The following PRPF38A variants were observed in gnomAD, a reference collection of about 807,000 sequenced individuals.
PRPF38A encodes the protein pre-mRNA-splicing factor 38A.
Under a neutral mutation model 46.8 loss-of-function variants are expected in PRPF38A, and 11 were observed. The ratio of observed to expected loss-of-function variants is 0.24; its 90% CI spans 0.15 to 0.39. The LOEUF is 0.39. Among genes scored for constraint, PRPF38A ranks in the 10% least tolerant of loss-of-function variants. PRPF38A has a pLI of 1.00. For synonymous variants in PRPF38A, 124 were observed against 136.2 expected, an observed-to-expected ratio of 0.91 and a Z score of 0.62; for missense variants, 261 against 407.5, an observed-to-expected ratio of 0.64 and a Z score of 3.10.
rs764313744 is a variant in PRPF38A at position 52,408,412 on chromosome 1, GCTGT to G, written c.291-154_291-151del. ...CTTGAACTCAGGTCTCCATATTTTA[GCTGT>G]CTTTCTTCTGCTGCATTCTACCTCC... On this transcript the variant is annotated intron_variant, in intron 2 of 9. Coordinates refer to ENST00000257181, the MANE Select transcript of PRPF38A (RefSeq NM_032864.4). The G allele has an allele frequency of 3.5e-4, 323 of 928,108 alleles. 1 individual carries two copies. Among genetic ancestry groups the G allele is most frequent in the Middle Eastern group, 8.4e-4 (4 of 4,782 alleles). The allele number at this position is 928,108 out of a possible 1,614,324, so 57.5% of individuals were successfully genotyped here.
chr1:52,412,257 A>G (rs562547667), intron 4 of PRPF38A, among the ~76,000 whole-genome samples: 36 of 152,232 alleles, frequency 2.4e-4, no homozygotes, highest in Non-Finnish European at 2.4e-4. Context: ...ACTGATTGAT[A>G]TTCCCATGAC....
rs571795036 is a variant in PRPF38A at position 52,416,774 on chromosome 1, C to T, written c.*84C>T. On this transcript the variant is annotated 3_prime_UTR_variant, in exon 10 of 10. Transcript: ENST00000257181. ...TGGAAGGATTAAGATCTCCCCCAGG[C>T]AGCTATAAGAATATTTTAGTTTTTT... is the stretch of plus-strand genomic sequence containing the variant. 2 of 1,026,638 alleles carry T rather than the reference C, an allele frequency of 1.9e-6. No individual in the cohort carries two copies. The highest frequency in any genetic ancestry group is 3.1e-6 in the Non-Finnish European group (2 of 652,928). The allele number at this position is 1,026,638 out of a possible 1,614,324, so 63.6% of individuals were successfully genotyped here. A position where few individuals can be genotyped will look rare whatever the true frequency, so the allele number is the denominator to read the frequency against.
intron 6 of PRPF38A, 60 bp from the exon 7 acceptor site, chr1:52,414,561 T>C: frequency 1.3e-6 from 2 of 1,593,894 alleles, no homozygotes; most frequent in Non-Finnish European, 8.6e-7. Context: ...GGGGCCGTTT[T>C]TGCAATCTAC....
In PRPF38A at chr1:52,420,173, A is replaced by G. The variant is rs915674754; in HGVS notation, c.*3483A>G. On this transcript the variant is annotated 3_prime_UTR_variant, in exon 10 of 10. Transcript: ENST00000257181. ...CTTTGCCAAAGTTGTCTTAAAATACAAAGGCTATAGATGTTCTCAAGTTTG... is the reference window on the plus strand; with the variant it reads ...CTTTGCCAAAGTTGTCTTAAAATACGAAGGCTATAGATGTTCTCAAGTTTG... The G allele has an allele frequency of 6.6e-6, 1 of 152,256 alleles. No homozygotes were observed. Among genetic ancestry groups the G allele is most frequent in the Non-Finnish European group, 1.5e-5 (1 of 68,042 alleles). 9.4% of individuals were successfully genotyped at this position (152,256 alleles called of 1,614,324 possible).
rs1647963398 is a variant in PRPF38A, at chr1:52,405,639, G to A, written c.131-41G>A. ...ACTAACTCCACTCCAACTAGGAAGA[G>A]CTTAGCCCTAATATGTTACTGTATT... On this transcript the variant is annotated intron_variant, in intron 1 of 9. Transcript: ENST00000257181. The A allele has an allele frequency of 1.9e-6, 3 of 1,602,516 alleles. No individual in the cohort carries two copies. In the East Asian group the frequency reaches 6.7e-5, roughly 36 times the overall value.
chr1:52,414,566 A>G, intron 6 of PRPF38A, 55 bp from the exon 7 acceptor site: 1 of 1,604,420 alleles, frequency 6.2e-7, no homozygotes, highest in Non-Finnish European at 8.5e-7. Context: ...CGTTTTTGCA[A>G]TCTACCACAT....
At chr1:52,407,583 C>A (rs1253933900) in intron 2 of PRPF38A, among the ~76,000 whole-genome samples, 1 of 152,170 alleles carries the variant, frequency 6.6e-6, no homozygotes, top group Admixed American at 6.5e-5. Context: ...TTTATGTGTA[C>A]TTGTTCTTGT....
intron 5 of PRPF38A, among the ~76,000 whole-genome samples, chr1:52,412,995 G>A (rs1028769296): frequency 4.6e-5 from 7 of 152,010 alleles, no homozygotes; most frequent in African/African-American, 1.2e-4. Context: ...GTGAGACTCC[G>A]TCTCAAAAAA....
chr1:52,413,411 C>CTTT (rs549631051), intron 5 of PRPF38A, among the ~76,000 whole-genome samples: 1 of 146,306 alleles, frequency 6.8e-6, no homozygotes, highest in Non-Finnish European at 1.5e-5. Flanking sequence ...AGGAAGCAAA[C>CTTT]TTTTTTTTTT....
chr1:52,416,536 T>G, intron 9 of PRPF38A, 112 bp from the exon 10 acceptor site: 1 of 718,806 alleles, frequency 1.4e-6, no homozygotes, highest in South Asian at 1.7e-5. Flanking sequence ...CTCGAATTCC[T>G]GACCTCAGGT....
rs1179338870 is a variant in PRPF38A, at chr1:52,419,475, A to AGTT, written c.*2786_*2788dup. On this transcript the variant is annotated 3_prime_UTR_variant, in exon 10 of 10. Coordinates refer to ENST00000257181, the MANE Select transcript of PRPF38A (RefSeq NM_032864.4). ...TGTTTGTTATTCTTCAGTAGACCGAAGTTTAAATAAGCATTATTTAGAAAA... is the reference window on the plus strand; with the variant it reads ...TGTTTGTTATTCTTCAGTAGACCGAAGTTGTTTAAATAAGCATTATTTAGAAAA... 6.6e-6 allele frequency: 1 copy of AGTT among 152,158 alleles called. No individual in the cohort carries two copies. The highest frequency in any genetic ancestry group is 2.4e-5 in the African/African-American group (1 of 41,436). 9.4% of individuals were successfully genotyped at this position (152,158 alleles called of 1,614,324 possible).
intron 4 of PRPF38A, among the ~76,000 whole-genome samples, chr1:52,412,184 T>G (rs1188205733): frequency 6.6e-6 from 1 of 152,212 alleles, no homozygotes; most frequent in African/African-American, 2.4e-5. Flanking sequence ...AGCCATGAAC[T>G]TATTAGCCCT....
intron 9 of PRPF38A, among the ~76,000 whole-genome samples, chr1:52,415,767 A>T (rs1270296260): frequency 6.6e-6 from 1 of 151,538 alleles, no homozygotes; most frequent in East Asian, 1.9e-4. Context: ...GACCTTGGAC[A>T]AGTCACTTTC....
chr1:52,411,677 G>A (rs1648153056), intron 4 of PRPF38A, among the ~76,000 whole-genome samples: 1 of 152,096 alleles, frequency 6.6e-6, no homozygotes, highest in Non-Finnish European at 1.5e-5. Flanking sequence ...GTGGGAGACT[G>A]AGCCATTAAT....
At position 52,420,573 on chromosome 1, in the gene PRPF38A, A is replaced by T. The variant is rs1228295566; in HGVS notation, c.*3883A>T. 1 of 152,172 alleles carries T rather than the reference A, an allele frequency of 6.6e-6. No individual in the cohort carries two copies. The highest frequency in any genetic ancestry group is 6.5e-5 in the Admixed American group (1 of 15,270). 9.4% of individuals were successfully genotyped at this position (152,172 alleles called of 1,614,324 possible). On this transcript the variant is annotated 3_prime_UTR_variant, in exon 10 of 10. Transcript: ENST00000257181. ...TTCTCTTGTGGGGAAAAAAGTATTTAAATTGAGCATTTTTTCAGTTTCACA... is the reference window on the plus strand; with the variant it reads ...TTCTCTTGTGGGGAAAAAAGTATTTTAATTGAGCATTTTTTCAGTTTCACA...
chr1:52,411,123 T>C lies in PRPF38A; in HGVS notation c.421T>C (p.Leu141=), dbSNP rs148878123. 1.8e-5 allele frequency: 29 copies of C among 1,612,870 alleles called. No homozygotes were observed. Among genetic ancestry groups the C allele is most frequent in the Admixed American group, 3.3e-5 (2 of 59,974 alleles). ...ATGACTTTTTCTTGCAGAGTTTGAA[T>C]TGATGCATGTTGATGAGTTTATTGA... ...KSQNRNGEFE[L]MHVDEFIDEL... The change falls in exon 4 of 10, where the codon TTG becomes CTG. Residue 141 remains leucine, a synonymous_variant. Coordinates refer to ENST00000257181, the MANE Select transcript of PRPF38A (RefSeq NM_032864.4).
intron 8 of PRPF38A, 116 bp downstream of exon 8, chr1:52,414,975 G>A (rs2147959247): frequency 2.3e-6 from 2 of 883,848 alleles, no homozygotes; most frequent in East Asian, 2.5e-5. Flanking sequence ...AAAGCAAATG[G>A]ACATAGAATT....
At position 52,404,656 on chromosome 1, in the gene PRPF38A, C is replaced by G. The variant is rs1226461179; in HGVS notation, c.-94C>G. 6 of 1,422,816 alleles carry G rather than the reference C, an allele frequency of 4.2e-6. No individual in the cohort carries two copies. The highest frequency in any genetic ancestry group is 1.4e-5 in the African/African-American group (1 of 70,074). 88.1% of individuals were successfully genotyped at this position (1,422,816 alleles called of 1,614,324 possible). ...TCGCCTAAGCTGTTTAGTGAAACTT[C>G]TTCCACCTTTCTCCATTCCTCTAGG... On this transcript the variant is annotated 5_prime_UTR_variant, in exon 1 of 10. Transcript: ENST00000257181.
rs1012292854 is a variant in PRPF38A, at chr1:52,415,810, G to A, written c.896+424G>A. Reference sequence around the variant, plus strand: ...AAGATTTCATTAGAAACCCCCATGTGCCATATACCGTTGGGTGCACTCTTT... The same window carrying A: ...AAGATTTCATTAGAAACCCCCATGTACCATATACCGTTGGGTGCACTCTTT... On this transcript the variant is annotated intron_variant, in intron 9 of 9. Coordinates refer to ENST00000257181, the MANE Select transcript of PRPF38A (RefSeq NM_032864.4). 6.7e-4 allele frequency among the ~76,000 whole-genome samples: 93 copies of A among 139,232 alleles called. 3 individuals are homozygous for A. The highest frequency in any genetic ancestry group is 5.2e-4 in the Admixed American group (7 of 13,430). 91.3% of individuals were successfully genotyped at this position (139,232 alleles called of 152,430 possible).
Sources: allele counts gnomAD v4.1 joint callset (sites outside exome capture counted in the v4.1 genomes callset), GRCh38; gene constraint gnomAD v4.1.1; transcripts MANE v1.5; gene names NCBI Gene and HGNC (gene_info 2026-07-23, HGNC 2026-07-21).